DMD: variants seen among roughly 807,000 people sequenced by gnomAD.
The protein encoded by DMD is mutant dystrophin.
In DMD, 63 loss-of-function variants were observed where a neutral mutation model predicts 330.1. The ratio of observed to expected loss-of-function variants is 0.19; its 90% CI spans 0.16 to 0.24. The LOEUF (loss-of-function observed/expected upper bound fraction) is 0.24, where lower values mean the gene tolerates loss of function less well. Ranked by LOEUF, DMD falls within the 10% of genes least tolerant of loss-of-function variation. DMD has a pLI of 1.00. For missense variants in DMD, 3,344 were observed against 2,684.1 expected (o/e 1.25, Z -5.43); for synonymous variants, 1,223 against 959.8 (o/e 1.27, Z -5.07).
intron 30 of DMD, among the ~76,000 whole-genome samples, chrX:32,407,777 G>A (rs1603632800): frequency 9.1e-6 from 1 of 109,614 alleles, no homozygotes; most frequent in African/African-American, 3.3e-5. Context: ...TATACACCTT[G>A]GAATACTATG....
chrX:32,312,776 A>G (rs1490874761), intron 41 of DMD, among the ~76,000 whole-genome samples: 1 of 106,624 alleles, frequency 9.4e-6, no homozygotes, highest in Non-Finnish European at 1.9e-5. Context: ...ACAAACTACC[A>G]TCAGAGAATA....
chrX:32,699,292 A>G lies in DMD; in HGVS notation c.651T>C (p.Asp217=), dbSNP rs1556930849. The change falls in exon 8 of 79, where the codon GAT becomes GAC. Residue 217 remains aspartate, a splice_region_variant and synonymous_variant. Coordinates refer to ENST00000357033, the MANE Select transcript of DMD (RefSeq NM_004006.3). ...TCTTATCTGGATAGGTGGTATCAAC[A>G]TCTGTAAGCACATTAACACTACACA... ...LGIEKLLDPE[D]VDTTYPDKKS... 1 of 1,197,123 alleles carries G rather than the reference A, an allele frequency of 8.4e-7. No homozygotes were observed. Among genetic ancestry groups the G allele is most frequent in the Non-Finnish European group, 1.1e-6 (1 of 882,409 alleles).
intron 34 of DMD, among the ~76,000 whole-genome samples, chrX:32,378,945 T>A (rs1799558118): frequency 9.1e-6 from 1 of 110,215 alleles, no homozygotes; most frequent in African/African-American, 3.3e-5. Context: ...ATTAGAATGA[T>A]TATCATAAAT....
intron 41 of DMD, among the ~76,000 whole-genome samples, chrX:32,319,499 A>G: frequency 8.9e-6 from 1 of 111,943 alleles, no homozygotes; most frequent in East Asian, 2.8e-4. Flanking sequence ...TGGGATTTAC[A>G]TTTATAATTT....
intron 53 of DMD, among the ~76,000 whole-genome samples, chrX:31,678,654 G>T (rs149861033): frequency 9.0e-6 from 1 of 111,174 alleles, no homozygotes; most frequent in African/African-American, 3.3e-5. Context: ...GGGAGAAAGT[G>T]AGAGTACTCC....
chrX:31,713,139 CT>C (rs1018548900), intron 52 of DMD, among the ~76,000 whole-genome samples: 1 of 111,946 alleles, frequency 8.9e-6, no homozygotes, highest in Non-Finnish European at 1.9e-5. Context: ...AGTACTGTCA[CT>C]GTTAGAGTGT....
At chrX:32,476,178 T>C (rs73207760) in intron 21 of DMD, among the ~76,000 whole-genome samples, 61 of 111,298 alleles carry the variant, frequency 5.5e-4, no homozygotes, top group Non-Finnish European at 4.5e-4. Flanking sequence ...GTCTCCTCTT[T>C]AACTTCTTTC....
intron 76 of DMD, among the ~76,000 whole-genome samples, chrX:31,138,624 GGAGA>G (rs1175532244): frequency 1.3e-3 from 76 of 58,682 alleles, no homozygotes; most frequent in Non-Finnish European, 1.9e-3. Context: ...CATGGCAGCA[GGAGA>G]GAGAGAGAGA....
chrX:33,235,902 T>C (rs1211787830), intron 1 of DMD, among the ~76,000 whole-genome samples: 2 of 98,572 alleles, frequency 2.0e-5, no homozygotes, highest in Non-Finnish European at 2.0e-5. Flanking sequence ...ACTTATATTA[T>C]TATTATTATT....
At chrX:32,645,894 C>A (rs1602477022) in intron 9 of DMD, among the ~76,000 whole-genome samples, 1 of 112,140 alleles carries the variant, frequency 8.9e-6, no homozygotes, top group East Asian at 2.8e-4. Context: ...GTGTACGAAG[C>A]ATCCATAATT....
intron 44 of DMD, among the ~76,000 whole-genome samples, chrX:32,029,556 G>A (rs895850698): frequency 9.0e-6 from 1 of 111,363 alleles, no homozygotes; most frequent in African/African-American, 3.3e-5. Context: ...AGCACAACAC[G>A]TAATAAATGC....
intron 1 of DMD, among the ~76,000 whole-genome samples, chrX:33,171,048 A>C (rs2148700744): frequency 8.9e-6 from 1 of 112,023 alleles, no homozygotes; most frequent in African/African-American, 3.2e-5. Flanking sequence ...TCCTTCTGAC[A>C]ATATAACACA....
intron 61 of DMD, among the ~76,000 whole-genome samples, chrX:31,332,157 T>G (rs1312106168): frequency 1.8e-5 from 2 of 112,161 alleles, no homozygotes; most frequent in Non-Finnish European, 3.8e-5. Context: ...ACACTGGCAA[T>G]CTGCCATGAG....
chrX:32,575,991 T>C (rs1419823794), intron 13 of DMD, among the ~76,000 whole-genome samples: 1 of 112,291 alleles, frequency 8.9e-6, no homozygotes, highest in African/African-American at 3.2e-5. Context: ...TATAATTTAT[T>C]AATTTTAGTG....
At chrX:33,098,318 G>A (rs764110142) in intron 1 of DMD, among the ~76,000 whole-genome samples, 13 of 111,846 alleles carry the variant, frequency 1.2e-4, no homozygotes, top group East Asian at 8.5e-4. Flanking sequence ...TGTTCTCTGC[G>A]CTGTATATAA....
chrX:33,285,265 C>T (rs181984340), intron 1 of DMD, among the ~76,000 whole-genome samples: 286 of 111,391 alleles, frequency 2.6e-3, no homozygotes, highest in African/African-American at 9.1e-3. Context: ...CTTCTTATCT[C>T]TCTATTTAAA....
chrX:32,213,911 T>C (rs1372047040), intron 44 of DMD, among the ~76,000 whole-genome samples: 1 of 109,887 alleles, frequency 9.1e-6, no homozygotes, highest in Non-Finnish European at 1.9e-5. Flanking sequence ...GAGGCAGAGG[T>C]TGCAGTGAGC....
At chrX:32,102,692 A>T (rs1015541019) in intron 44 of DMD, among the ~76,000 whole-genome samples, 1 of 111,817 alleles carries the variant, frequency 8.9e-6, no homozygotes, top group East Asian at 2.8e-4. Context: ...TGATGAACCC[A>T]TCTTCTGATG....
chrX:32,584,552 G>A (rs964043735), intron 13 of DMD, among the ~76,000 whole-genome samples: 1 of 111,954 alleles, frequency 8.9e-6, no homozygotes, highest in Non-Finnish European at 1.9e-5. Flanking sequence ...TATGTAAAAT[G>A]TGGTATATTC....
Sources: allele counts gnomAD v4.1 joint callset (sites outside exome capture counted in the v4.1 genomes callset), GRCh38; gene constraint gnomAD v4.1.1; transcripts MANE v1.5; gene names NCBI Gene and HGNC (gene_info 2026-07-23, HGNC 2026-07-21).